VTI1A: variants seen among roughly 807,000 people sequenced by gnomAD.
VTI1A encodes vesicle transport through interaction with t-SNAREs homolog 1A.
In VTI1A, 22 loss-of-function variants were observed where a neutral mutation model predicts 34.9. The observed-to-expected ratio is 0.63, with a 90% confidence interval of 0.45 to 0.90. The LOEUF (loss-of-function observed/expected upper bound fraction) is 0.90, where lower values mean the gene tolerates loss of function less well. Among genes scored for constraint, VTI1A ranks in the 40% least tolerant of loss-of-function variants. VTI1A has a pLI of 0.00. For missense variants in VTI1A, 268 were observed against 275.6 expected, an observed-to-expected ratio of 0.97 and a Z score of 0.20; for synonymous variants, 87 against 97.3, an observed-to-expected ratio of 0.89 and a Z score of 0.62.
At position 112,555,456 on chromosome 10, in the gene VTI1A, T is replaced by C. The variant is rs1183294942; in HGVS notation, c.427+17126T>C. On this transcript the variant is annotated intron_variant, in intron 5 of 7. Transcript: ENST00000393077. ...AGTAACAGACTTTAAAAACTCTTTC[T>C]ATGTATGCTTTTAACTTCCTTGGCC... 2.6e-5 allele frequency among the ~76,000 whole-genome samples: 4 copies of C among 152,266 alleles called. No individual in the cohort carries two copies. The East Asian group carries it at 7.7e-4, about 29-fold the overall frequency.
intron 5 of VTI1A, among the ~76,000 whole-genome samples, chr10:112,636,865 C>T (rs1846374704): frequency 6.6e-6 from 1 of 151,834 alleles, no homozygotes; most frequent in African/African-American, 2.4e-5. Flanking sequence ...AATAAACAAC[C>T]ATAGCAAAAC....
chr10:112,783,630 G>A (rs946782389), intron 7 of VTI1A, among the ~76,000 whole-genome samples: 1 of 152,196 alleles, frequency 6.6e-6, no homozygotes, highest in Non-Finnish European at 1.5e-5. Flanking sequence ...AACAGCTTCA[G>A]TAATATAATA....
At chr10:112,694,627 A>G (rs903620014) in intron 7 of VTI1A, among the ~76,000 whole-genome samples, 2 of 151,940 alleles carry the variant, frequency 1.3e-5, no homozygotes, top group East Asian at 3.9e-4. Context: ...TTGACGATTC[A>G]GTCTCAAAAA....
intron 5 of VTI1A, among the ~76,000 whole-genome samples, chr10:112,665,731 C>G (rs2133830040): frequency 6.6e-6 from 1 of 152,294 alleles, no homozygotes; most frequent in South Asian, 2.1e-4. Flanking sequence ...CTGATGTTGA[C>G]TTCTCCAATG....
intron 5 of VTI1A, among the ~76,000 whole-genome samples, chr10:112,553,646 C>G (rs889450806): frequency 6.6e-6 from 1 of 152,200 alleles, no homozygotes; most frequent in African/African-American, 2.4e-5. Flanking sequence ...CTGCCCTGCC[C>G]TGGGGCTTTG....
At chr10:112,453,732 T>C (rs1319235891) in intron 1 of VTI1A, among the ~76,000 whole-genome samples, 1 of 152,158 alleles carries the variant, frequency 6.6e-6, no homozygotes, top group Admixed American at 6.5e-5. Context: ...GATCATCTTC[T>C]CTATTTCCTG....
chr10:112,789,272 A>G (rs1230181898), intron 7 of VTI1A, among the ~76,000 whole-genome samples: 2 of 152,168 alleles, frequency 1.3e-5, no homozygotes, highest in Non-Finnish European at 2.9e-5. Context: ...AAAAGTCTTT[A>G]TGTCACCTTC....
At chr10:112,785,938 T>C (rs1852274747) in intron 7 of VTI1A, among the ~76,000 whole-genome samples, 1 of 152,224 alleles carries the variant, frequency 6.6e-6, no homozygotes, top group African/African-American at 2.4e-5. Flanking sequence ...AACTCATTTT[T>C]ATACATTCTA....
rs1589857273 is a variant in VTI1A at position 112,520,705 on chromosome 10, T to C, written c.265-6382T>C. Among the ~76,000 whole-genome samples, 3 of 150,326 alleles carry C rather than the reference T, an allele frequency of 2.0e-5. No individual in the cohort carries two copies. The South Asian group carries it at 6.3e-4, about 31-fold the overall frequency. ...CATGATATGCATATAAATATTCACA[T>C]ATGATATTATAGCTAAATTTTAAAA... On this transcript the variant is annotated intron_variant, in intron 3 of 7. Transcript: ENST00000393077.
At chr10:112,558,631 A>G (rs1446913660) in intron 5 of VTI1A, among the ~76,000 whole-genome samples, 1 of 152,200 alleles carries the variant, frequency 6.6e-6, no homozygotes, top group African/African-American at 2.4e-5. Context: ...TTGGCTAGTA[A>G]AAGTTCACTT....
intron 5 of VTI1A, among the ~76,000 whole-genome samples, chr10:112,613,708 T>C (rs958929831): frequency 3.9e-5 from 6 of 152,170 alleles, no homozygotes; most frequent in African/African-American, 1.4e-4. Flanking sequence ...GTGAGAAGAA[T>C]TTTAAAAACA....
intron 5 of VTI1A, among the ~76,000 whole-genome samples, chr10:112,619,806 C>T (rs1158189099): frequency 1.3e-5 from 2 of 152,076 alleles, no homozygotes; most frequent in Non-Finnish European, 2.9e-5. Flanking sequence ...AACTGATTTG[C>T]TTGCCAACAA....
At chr10:112,666,338 G>C (rs560007483) in intron 5 of VTI1A, among the ~76,000 whole-genome samples, 2 of 152,300 alleles carry the variant, frequency 1.3e-5, no homozygotes, top group African/African-American at 4.8e-5. Context: ...GTATGTAACT[G>C]TTTTCTATGA....
rs541958640 is a variant in VTI1A, at chr10:112,527,770, G to C, written c.342+606G>C. On this transcript the variant is annotated intron_variant, in intron 4 of 7. Coordinates refer to ENST00000393077, the MANE Select transcript of VTI1A (RefSeq NM_145206.4). ...AGTCTTTTTGCAGTTTAAGATCTGC[G>C]TAGGCCAAAAAATAAGATACAGTTT... is the stretch of plus-strand genomic sequence containing the variant. 3.0e-4 allele frequency among the ~76,000 whole-genome samples: 46 copies of C among 151,574 alleles called. No individual in the cohort carries two copies. In the South Asian group the frequency reaches 9.6e-3, roughly 32 times the overall value.
At chr10:112,474,393 A>C (rs184208705) in intron 3 of VTI1A, among the ~76,000 whole-genome samples, 1 of 150,442 alleles carries the variant, frequency 6.6e-6, no homozygotes, top group African/African-American at 2.4e-5. Flanking sequence ...CTATTTATAT[A>C]TTATGTGCAT....
At chr10:112,578,124 G>A (rs1843778874) in intron 5 of VTI1A, among the ~76,000 whole-genome samples, 2 of 152,158 alleles carry the variant, frequency 1.3e-5, no homozygotes, top group South Asian at 4.1e-4. Flanking sequence ...CTGGCCAGTG[G>A]CATATAGGAC....
chr10:112,544,321 C>A (rs1850990408), intron 5 of VTI1A, among the ~76,000 whole-genome samples: 1 of 152,166 alleles, frequency 6.6e-6, no homozygotes, highest in Non-Finnish European at 1.5e-5. Context: ...ATGTCCACCT[C>A]CTGGTTCAAG....
intron 5 of VTI1A, among the ~76,000 whole-genome samples, chr10:112,620,515 G>A (rs1207995817): frequency 6.6e-6 from 1 of 152,170 alleles, no homozygotes; most frequent in Non-Finnish European, 1.5e-5. Context: ...AACTGGCTGG[G>A]CGCGGTGGCT....
intron 7 of VTI1A, among the ~76,000 whole-genome samples, chr10:112,695,553 A>G (rs1240753714): frequency 1.3e-5 from 2 of 152,216 alleles, no homozygotes; most frequent in East Asian, 1.9e-4. Context: ...TCTCTAGCTT[A>G]CTTTAAATAC....
Sources: gnomAD v4.1 joint callset for allele counts (sites outside exome capture counted in the v4.1 genomes callset) on GRCh38, gnomAD v4.1.1 for gene constraint, MANE v1.5 for transcripts, NCBI Gene and HGNC (gene_info 2026-07-23, HGNC 2026-07-21) for gene names.